Variants in TPO observed in about 807,000 individuals in gnomAD.
The protein encoded by TPO is thyroid peroxidase.
Under a neutral mutation model 96.9 loss-of-function variants are expected in TPO, and 78 were observed. The observed-to-expected ratio is 0.81, with a 90% CI of 0.67 to 0.97. TPO has a LOEUF of 0.97. Among genes scored for constraint, TPO ranks in the 50% least tolerant of loss-of-function variants. The pLI, the probability that TPO is intolerant of heterozygous loss-of-function variation, is 0.00. For missense variants in TPO, 1,252 were observed against 1,274.8 expected (o/e 0.98, Z 0.27); for synonymous variants, 547 against 538.0 (o/e 1.02, Z -0.23).
At chr2:1,480,854 CA>C (rs1670573494) in intron 8 of TPO, among the ~76,000 whole-genome samples, 1 of 131,942 alleles carries the variant, frequency 7.6e-6, no homozygotes. Flanking sequence ...TCACCATACC[CA>C]CTCTAATTTG....
Position 1,484,788 on chromosome 2 carries a change from C to T in TPO, c.1531C>T (p.His511Tyr). The T allele has an allele frequency of 6.2e-7, 1 of 1,614,114 alleles. No homozygotes were observed. Among genetic ancestry groups the T allele is most frequent in the Non-Finnish European group, 8.5e-7 (1 of 1,180,046 alleles). ...GAGGCTGGACGCCAGCTTCCAGGAGCACCCCGACCTGCCCGGGCTGTGGCT... is the reference window on the plus strand; with the variant it reads ...GAGGCTGGACGCCAGCTTCCAGGAGTACCCCGACCTGCCCGGGCTGTGGCT... Reference protein sequence around the residue: ...VRRLDASFQEHPDLPGLWLHQ... With the variant: ...VRRLDASFQEYPDLPGLWLHQ... The change falls in exon 9 of 17, where the codon CAC becomes TAC. Residue 511 changes from histidine (H) to tyrosine (Y), a missense_variant. Transcript: ENST00000329066.
intron 5 of TPO, among the ~76,000 whole-genome samples, chr2:1,444,006 G>T (rs1666493177): frequency 7.0e-6 from 1 of 142,410 alleles, no homozygotes; most frequent in African/African-American, 2.7e-5. Flanking sequence ...AATCACTGCT[G>T]CAGGAGGCAC....
At position 1,433,501 on chromosome 2, in the gene TPO, G is replaced by A; in HGVS notation, c.243G>A (p.Glu81=). ...AQLLSFSKLP[E]PTSGVIARAA... ...TTCTGTCTTTTTCCAAACTTCCTGA[G>A]CCAACAAGCGGAGTGATTGCCCGAG... is the stretch of plus-strand genomic sequence containing the variant. The change falls in exon 4 of 17, where the codon GAG becomes GAA. Residue 81 remains glutamate (E), a synonymous_variant. Transcript: ENST00000329066. 6.2e-7 allele frequency: 1 copy of A among 1,614,174 alleles called. No homozygotes were observed. The highest frequency in any genetic ancestry group is 8.5e-7 in the Non-Finnish European group (1 of 1,180,038).
At chr2:1,498,850 C>T (rs1672605446) in intron 13 of TPO, among the ~76,000 whole-genome samples, 1 of 152,212 alleles carries the variant, frequency 6.6e-6, no homozygotes, top group African/African-American at 2.4e-5. Flanking sequence ...TTCCTGTTCC[C>T]TTGGCTTAGA....
intron 1 of TPO, among the ~76,000 whole-genome samples, chr2:1,407,326 T>C (rs1662262414): frequency 6.6e-6 from 1 of 152,198 alleles, no homozygotes; most frequent in Non-Finnish European, 1.5e-5. Context: ...TACTGGCAGT[T>C]GTGGAATATT....
In TPO at chr2:1,374,759, G is replaced by C. The variant is rs958598084; in HGVS notation, n.180+357G>C. ...TTTTTTTTTACTGAGATGACGTCTT[G>C]CTCTGTCACCCAGGCTGGAGTGCAA... On this transcript the variant is annotated intron_variant and non_coding_transcript_variant, in intron 1 of 5. Coordinates refer to the TPO transcript ENST00000497517. Among the ~76,000 whole-genome samples the C allele has an allele frequency of 8.7e-5, 12 of 138,126 alleles. No homozygotes were observed. In the Admixed American group the frequency reaches 9.2e-4, roughly 11 times the overall value. 90.6% of individuals were successfully genotyped at this position (138,126 alleles called of 152,430 possible). A position where few individuals can be genotyped will look rare whatever the true frequency, so the allele number is the denominator to read the frequency against.
At chr2:1,403,339 G>A (rs984867824) in intron 1 of TPO, among the ~76,000 whole-genome samples, 2 of 152,168 alleles carry the variant, frequency 1.3e-5, no homozygotes, top group African/African-American at 4.8e-5. Flanking sequence ...TCCCACTGGA[G>A]GCCCAGATGG....
chr2:1,419,734 T>G (rs1006766842), intron 2 of TPO, among the ~76,000 whole-genome samples: 1 of 152,218 alleles, frequency 6.6e-6, no homozygotes, highest in Non-Finnish European at 1.5e-5. Context: ...AAAATGATTG[T>G]TCTTTTGCTG....
chr2:1,530,531 AC>A (rs200370185), intron 15 of TPO, among the ~76,000 whole-genome samples: 677 of 39,438 alleles, frequency 0.017, 5 homozygotes, highest in Middle Eastern at 0.11. Flanking sequence ...ACTCTGTGCA[AC>A]CCCCCCAAAT....
At chr2:1,446,208 A>G (rs1295396211) in intron 5 of TPO, among the ~76,000 whole-genome samples, 2 of 152,160 alleles carry the variant, frequency 1.3e-5, no homozygotes, top group Non-Finnish European at 2.9e-5. Flanking sequence ...AGAGGTGACC[A>G]TTGCTTTGAT....
rs191244512 is a variant in TPO, at chr2:1,405,811, C to A, written n.180+31409C>A. ...CAGAACTTGACCCTAAAGAAGTTCT[C>A]AGTAATTATTTGGTTTATTCAAAAA... On this transcript the variant is annotated intron_variant and non_coding_transcript_variant, in intron 1 of 5. Transcript: ENST00000497517. Among the ~76,000 whole-genome samples, 13 of 152,278 alleles carry A rather than the reference C, an allele frequency of 8.5e-5. No homozygotes were observed. The East Asian group carries it at 1.2e-3, about 14-fold the overall frequency.
In TPO at chr2:1,477,452, C is replaced by A. The variant is rs758368355; in HGVS notation, c.1186C>A (p.Arg396Ser). The change falls in exon 8 of 17, where the codon CGC becomes AGC. Residue 396 changes from arginine (R) to serine (S), a missense_variant. Transcript: ENST00000329066. Reference sequence around the variant, plus strand: ...GCCCTGCTTCCTGGCCGGAGACGGCCGCGCCAGCGAGGTCCCCTCCCTGAC... The same window carrying A: ...GCCCTGCTTCCTGGCCGGAGACGGCAGCGCCAGCGAGGTCCCCTCCCTGAC... ...RGPCFLAGDG[R>S]ASEVPSLTAL... 1 of 1,524,596 alleles carries A rather than the reference C, an allele frequency of 6.6e-7. No homozygotes were observed. Among genetic ancestry groups the A allele is most frequent in the Non-Finnish European group, 8.8e-7 (1 of 1,140,884 alleles). 94.4% of individuals were successfully genotyped at this position (1,524,596 alleles called of 1,614,324 possible).
intron 1 of TPO, among the ~76,000 whole-genome samples, chr2:1,404,272 G>A (rs1046428650): frequency 2.6e-5 from 4 of 152,122 alleles, no homozygotes; most frequent in African/African-American, 9.7e-5. Flanking sequence ...GTTCTCCTTA[G>A]CCAATTGTGG....
At chr2:1,462,517 AACACACACAC>A (rs35553172) in intron 7 of TPO, among the ~76,000 whole-genome samples, 9 of 131,586 alleles carry the variant, frequency 6.8e-5, no homozygotes, top group Non-Finnish European at 1.3e-4. Context: ...TGTGTAGGTA[AACACACACAC>A]ACACACACAC....
intron 5 of TPO, among the ~76,000 whole-genome samples, chr2:1,443,470 T>G (rs1197645259): frequency 1.3e-5 from 2 of 148,638 alleles, no homozygotes; most frequent in East Asian, 4.7e-4. Flanking sequence ...CAGTCATTGT[T>G]GCAGGAGGCA....
intron 10 of TPO, among the ~76,000 whole-genome samples, chr2:1,491,998 A>G (rs1204945786): frequency 6.6e-6 from 1 of 152,134 alleles, no homozygotes. Flanking sequence ...CCAGATGTGG[A>G]AGCACCAGGG....
At chr2:1,475,931 G>T (rs2148667287) in intron 7 of TPO, among the ~76,000 whole-genome samples, 1 of 151,754 alleles carries the variant, frequency 6.6e-6, no homozygotes, top group East Asian at 2.0e-4. Flanking sequence ...CCACAAGGCC[G>T]ACTCCCTCTC....
intron 5 of TPO, among the ~76,000 whole-genome samples, chr2:1,439,979 TC>T (rs1055724986): frequency 6.6e-6 from 1 of 151,976 alleles, no homozygotes; most frequent in Non-Finnish European, 1.5e-5. Flanking sequence ...ATTGCTAAGT[TC>T]CCCCCCAGCG....
intron 7 of TPO, among the ~76,000 whole-genome samples, chr2:1,466,905 T>A (rs1668949987): frequency 6.6e-6 from 1 of 152,156 alleles, no homozygotes. Flanking sequence ...TGATCTTGGT[T>A]ATTTCCTTTC....
Sources: allele counts gnomAD v4.1 joint callset (sites outside exome capture counted in the v4.1 genomes callset), GRCh38; gene constraint gnomAD v4.1.1; transcripts MANE v1.5; gene names NCBI Gene and HGNC (gene_info 2026-07-23, HGNC 2026-07-21).